The following SAE1 variants were observed in gnomAD, a reference collection of about 807,000 sequenced individuals.
SAE1 encodes the protein SUMO1 activating enzyme subunit 1.
A neutral mutation model predicts 40.6 loss-of-function variants in SAE1; 11 were observed. That is an observed-to-expected ratio of 0.27 (90% CI 0.17 to 0.45). The LOEUF (loss-of-function observed/expected upper bound fraction) is 0.45. Among genes scored for constraint, SAE1 ranks in the 20% least tolerant of loss-of-function variants. The probability of loss-of-function intolerance (pLI) is 1.00; values close to 1 mark genes in which losing one functional copy is unlikely to be tolerated. For missense variants in SAE1, 373 were observed against 427.3 expected (o/e 0.87, Z 1.12); for synonymous variants, 155 against 154.3 (o/e 1.00, Z -0.03).
At chr19:47,160,827 C>T (rs2058355421) in intron 5 of SAE1, among the ~76,000 whole-genome samples, 1 of 152,128 alleles carries the variant, frequency 6.6e-6, no homozygotes, top group Non-Finnish European at 1.5e-5. Flanking sequence ...CCACTCCTGG[C>T]CAATCCTGCT....
At chr19:47,141,323 G>A (rs1367021981) in intron 1 of SAE1, among the ~76,000 whole-genome samples, 1 of 151,672 alleles carries the variant, frequency 6.6e-6, no homozygotes, top group Non-Finnish European at 1.5e-5. Context: ...TGTATTTTTA[G>A]TAGAGAGGGT....
chr19:47,178,556 C>T (rs564371843), intron 6 of SAE1, among the ~76,000 whole-genome samples: 3 of 152,312 alleles, frequency 2.0e-5, no homozygotes, highest in African/African-American at 7.2e-5. Context: ...TCATTGCAAC[C>T]TCCGCCTTTT....
chr19:47,134,887 T>A (rs976412144), intron 1 of SAE1, among the ~76,000 whole-genome samples: 2 of 151,980 alleles, frequency 1.3e-5, no homozygotes, highest in Non-Finnish European at 2.9e-5. Context: ...TGTACCAAAT[T>A]TGGTGGAGAA....
At chr19:47,188,052 T>G (rs1385485457) in intron 6 of SAE1, among the ~76,000 whole-genome samples, 2 of 151,708 alleles carry the variant, frequency 1.3e-5, no homozygotes, top group Non-Finnish European at 2.9e-5. Flanking sequence ...CAGGTGAATA[T>G]AAAACCACAA....
intron 5 of SAE1, among the ~76,000 whole-genome samples, chr19:47,160,356 G>A (rs996001294): frequency 4.0e-5 from 6 of 149,750 alleles, no homozygotes; most frequent in African/African-American, 1.2e-4. Context: ...CGAGTAGCTG[G>A]AACTACAGGT....
At chr19:47,206,248 C>G (rs995833659) in intron 8 of SAE1, among the ~76,000 whole-genome samples, 2 of 152,162 alleles carry the variant, frequency 1.3e-5, no homozygotes, top group Non-Finnish European at 2.9e-5. Context: ...CTCCTCCTAC[C>G]CCATCTTGCT....
chr19:47,156,505 T>G (rs1263014895), intron 5 of SAE1, among the ~76,000 whole-genome samples: 1 of 152,036 alleles, frequency 6.6e-6, no homozygotes, highest in African/African-American at 2.4e-5. Flanking sequence ...TTTGCCTGTT[T>G]TTTTCCTTTT....
At chr19:47,161,057 A>G (rs1419698592) in intron 5 of SAE1, among the ~76,000 whole-genome samples, 1 of 152,138 alleles carries the variant, frequency 6.6e-6, no homozygotes, top group Non-Finnish European at 1.5e-5. Flanking sequence ...GCTGGAGTGC[A>G]GTGGCACAAA....
intron 7 of SAE1, among the ~76,000 whole-genome samples, chr19:47,198,567 C>T (rs2058631613): frequency 6.6e-6 from 1 of 152,156 alleles, no homozygotes; most frequent in East Asian, 1.9e-4. Context: ...ATGTACTAGG[C>T]ATCAGGTAGT....
chr19:47,203,759 G>A lies in SAE1; in HGVS notation c.948+19G>A, dbSNP rs1405947551. On this transcript the variant is annotated intron_variant, in intron 8 of 8. Coordinates refer to ENST00000270225, the MANE Select transcript of SAE1 (RefSeq NM_005500.3). ...TGTGAAGGTAAAACATCACTGTGGA[G>A]CAGAAAATTGTTAACCATGACTTTG... The A allele has an allele frequency of 1.1e-5, 18 of 1,606,060 alleles. No individual in the cohort carries two copies. The highest frequency in any genetic ancestry group is 1.4e-5 in the Non-Finnish European group (17 of 1,172,720).
At chr19:47,159,846 A>C (rs1305132930) in intron 5 of SAE1, among the ~76,000 whole-genome samples, 1 of 151,996 alleles carries the variant, frequency 6.6e-6, no homozygotes, top group Non-Finnish European at 1.5e-5. Context: ...AGTGTGTGCC[A>C]CCACACTCGA....
intron 8 of SAE1, among the ~76,000 whole-genome samples, chr19:47,204,043 GCTT>G (rs1164177436): frequency 6.6e-6 from 1 of 152,012 alleles, no homozygotes; most frequent in African/African-American, 2.4e-5. Flanking sequence ...CAGGGATTCT[GCTT>G]CTCATAGCTC....
intron 6 of SAE1, among the ~76,000 whole-genome samples, chr19:47,181,040 G>A (rs1359158372): frequency 2.6e-5 from 4 of 152,206 alleles, no homozygotes; most frequent in South Asian, 2.1e-4. Flanking sequence ...AAGAGGCCCC[G>A]GCGTGGTGGC....
intron 7 of SAE1, among the ~76,000 whole-genome samples, chr19:47,201,997 G>T (rs1198670274): frequency 6.6e-6 from 1 of 152,110 alleles, no homozygotes; most frequent in African/African-American, 2.4e-5. Context: ...GTTACCCCTG[G>T]ATGAACAAAA....
At chr19:47,175,093 TAA>T (rs2058460849) in intron 6 of SAE1, among the ~76,000 whole-genome samples, 1 of 147,714 alleles carries the variant, frequency 6.8e-6, no homozygotes, top group Non-Finnish European at 1.5e-5. Flanking sequence ...GGAAATAATT[TAA>T]AAGTGGCCTT....
At chr19:47,139,076 C>T (rs1452048027) in intron 1 of SAE1, among the ~76,000 whole-genome samples, 3 of 152,064 alleles carry the variant, frequency 2.0e-5, no homozygotes, top group East Asian at 1.9e-4. Context: ...ATCAGCCTCC[C>T]GAGTAGCTGG....
intron 1 of SAE1, among the ~76,000 whole-genome samples, chr19:47,136,889 C>T (rs1600144986): frequency 1.3e-5 from 2 of 152,080 alleles, no homozygotes; most frequent in Admixed American, 6.6e-5. Context: ...ATTGACTTGC[C>T]TCTAAGAGGG....
Position 47,147,199 on chromosome 19 carries a change from G to GTTTTT in SAE1, c.211-2979_211-2975dup, listed in dbSNP as rs397859917. On this transcript the variant is annotated intron_variant, in intron 2 of 8. Transcript: ENST00000270225. ...TGAAATGATAATTGTATGTGTATGG[G>GTTTTT]TTTTTTTTTTTTTTTTTTTTTTTTT... is the stretch of plus-strand genomic sequence containing the variant. 1.3e-3 allele frequency among the ~76,000 whole-genome samples: 77 copies of GTTTTT among 60,974 alleles called. 4 individuals are homozygous for GTTTTT. Among genetic ancestry groups the GTTTTT allele is most frequent in the African/African-American group, 4.9e-3 (72 of 14,724 alleles). 40.0% of individuals were successfully genotyped at this position (60,974 alleles called of 152,430 possible). A position where few individuals can be genotyped will look rare whatever the true frequency, so the allele number is the denominator to read the frequency against.
intron 5 of SAE1, among the ~76,000 whole-genome samples, chr19:47,161,253 C>A (rs1320049635): frequency 6.6e-6 from 1 of 151,444 alleles, no homozygotes. Flanking sequence ...TCAAGTGATC[C>A]TCTTGCCTTG....
Sources: allele counts gnomAD v4.1 joint callset (sites outside exome capture counted in the v4.1 genomes callset), GRCh38; gene constraint gnomAD v4.1.1; transcripts MANE v1.5; gene names NCBI Gene and HGNC (gene_info 2026-07-23, HGNC 2026-07-21).